The following AKAP10 variants were observed in gnomAD, a reference collection of about 807,000 sequenced individuals.
The protein encoded by AKAP10 is A-kinase anchor protein 10, mitochondrial.
AKAP10 carries 24 observed loss-of-function variants against 80.8 expected under a neutral mutation model. That is an observed-to-expected ratio of 0.30 (90% CI 0.22 to 0.42). The LOEUF is 0.42. AKAP10 is among the 10% of genes least tolerant of loss of function. AKAP10 has a pLI of 1.00. For synonymous variants in AKAP10, 291 were observed against 277.7 expected (o/e 1.05, Z -0.48); for missense variants, 661 against 794.9 (o/e 0.83, Z 2.03).
intron 2 of AKAP10, 91 bp downstream of exon 2, chr17:19,968,323 G>A: frequency 1.0e-6 from 1 of 975,128 alleles, no homozygotes; most frequent in Non-Finnish European, 1.6e-6. Flanking sequence ...AATGATTAAT[G>A]CCAAAAGAGA....
intron 2 of AKAP10, among the ~76,000 whole-genome samples, chr17:19,964,157 C>T (rs1214910765): frequency 2.0e-5 from 3 of 152,112 alleles, no homozygotes; most frequent in Admixed American, 6.6e-5. Context: ...AGCCAGTTTT[C>T]GTGTTCAGAC....
At chr17:19,954,078 A>T (rs1490423782) in intron 4 of AKAP10, among the ~76,000 whole-genome samples, 1 of 152,174 alleles carries the variant, frequency 6.6e-6, no homozygotes, top group African/African-American at 2.4e-5. Context: ...TCACTTCCCA[A>T]TTCAACCAAA....
At chr17:19,938,940 C>G (rs2043023599) in intron 8 of AKAP10, among the ~76,000 whole-genome samples, 1 of 152,090 alleles carries the variant, frequency 6.6e-6, no homozygotes, top group Admixed American at 6.6e-5. Flanking sequence ...CCATGTTGCC[C>G]AGGCTGGTCT....
At chr17:19,937,781 AC>A (rs2043007966) in intron 8 of AKAP10, among the ~76,000 whole-genome samples, 2 of 152,074 alleles carry the variant, frequency 1.3e-5, no homozygotes, top group African/African-American at 2.4e-5. Context: ...TCTGCCACTA[AC>A]TTGTTCTGTG....
intron 4 of AKAP10, among the ~76,000 whole-genome samples, chr17:19,955,394 C>G (rs1425697377): frequency 6.6e-6 from 1 of 151,976 alleles, no homozygotes; most frequent in African/African-American, 2.4e-5. Flanking sequence ...TGTGTTAAAA[C>G]TGATACAAGT....
chr17:19,972,166 C>A (rs1426804294), intron 1 of AKAP10, among the ~76,000 whole-genome samples: 1 of 152,212 alleles, frequency 6.6e-6, no homozygotes, highest in Non-Finnish European at 1.5e-5. Context: ...TCCATGCACT[C>A]ATATAGCCAT....
intron 6 of AKAP10, among the ~76,000 whole-genome samples, chr17:19,941,601 T>A (rs2043051241): frequency 6.6e-6 from 1 of 152,176 alleles, no homozygotes; most frequent in African/African-American, 2.4e-5. Flanking sequence ...TATTTTAACT[T>A]AGGAAATATT....
intron 1 of AKAP10, among the ~76,000 whole-genome samples, chr17:19,970,583 G>C (rs2043482756): frequency 6.6e-6 from 1 of 152,120 alleles, no homozygotes; most frequent in Admixed American, 6.5e-5. Flanking sequence ...AGGACTTTGG[G>C]AGGCCAAGGC....
In AKAP10 at chr17:19,977,489, T is replaced by C. The variant is rs1054052000; in HGVS notation, c.88+103A>G. ...CATCTGCGCCGAGGTCGAGGCTCGC[T>C]GAAGGCCTTGCTGCCGCCTTGGGGA... On this transcript the variant is annotated intron_variant, in intron 1 of 14. Coordinates refer to ENST00000225737, the MANE Select transcript of AKAP10 (RefSeq NM_007202.4). 21 of 918,184 alleles carry C rather than the reference T, an allele frequency of 2.3e-5. No homozygotes were observed. In the African/African-American group the frequency reaches 3.1e-4, roughly 14 times the overall value. The allele number at this position is 918,184 out of a possible 1,614,324, so 56.9% of individuals were successfully genotyped here. A position where few individuals can be genotyped will look rare whatever the true frequency, so the allele number is the denominator to read the frequency against.
At chr17:19,970,360 A>G (rs545666914) in intron 1 of AKAP10, among the ~76,000 whole-genome samples, 145 of 152,324 alleles carry the variant, frequency 9.5e-4, no homozygotes, top group African/African-American at 2.5e-3. Context: ...TTCTCCTACT[A>G]TCAATCAGAT....
At chr17:19,963,935 T>C (rs2043384504) in intron 2 of AKAP10, among the ~76,000 whole-genome samples, 4 of 152,160 alleles carry the variant, frequency 2.6e-5, no homozygotes, top group African/African-American at 9.6e-5. Flanking sequence ...CACTAAAAAT[T>C]CATAAAATAT....
chr17:19,908,397 A>G (rs980925014), intron 14 of AKAP10, among the ~76,000 whole-genome samples: 2 of 152,028 alleles, frequency 1.3e-5, no homozygotes, highest in African/African-American at 4.8e-5. Context: ...AAGTCTCTCT[A>G]CTCTGGCCAG....
intron 14 of AKAP10, among the ~76,000 whole-genome samples, chr17:19,908,344 C>T (rs2042653665): frequency 6.6e-6 from 1 of 152,158 alleles, no homozygotes; most frequent in Admixed American, 6.5e-5. Context: ...AGTAGTAAGG[C>T]ATAACCTCTG....
intron 9 of AKAP10, among the ~76,000 whole-genome samples, chr17:19,932,889 A>T (rs890482680): frequency 2.6e-5 from 4 of 152,132 alleles, no homozygotes; most frequent in Non-Finnish European, 5.9e-5. Context: ...ATGAGTTCTC[A>T]TGTTTATTAT....
chr17:19,947,121 C>T, intron 5 of AKAP10: 2 of 381,190 alleles, frequency 5.2e-6, no homozygotes, highest in Non-Finnish European at 9.7e-6. Context: ...GTGGTCTGTG[C>T]CGGTTAGCGT....
intron 9 of AKAP10, among the ~76,000 whole-genome samples, chr17:19,932,718 A>G (rs1027455789): frequency 6.6e-6 from 1 of 152,070 alleles, no homozygotes; most frequent in Admixed American, 6.6e-5. Context: ...TTTAATATAT[A>G]TGGTCACTTT....
At chr17:19,911,340 C>A (rs2042687445) in intron 12 of AKAP10, among the ~76,000 whole-genome samples, 1 of 152,134 alleles carries the variant, frequency 6.6e-6, no homozygotes, top group South Asian at 2.1e-4. Flanking sequence ...CCAAATTTCA[C>A]CTTAGAATTC....
At position 19,932,632 on chromosome 17, in the gene AKAP10, A is replaced by G. The variant is rs1474706972; in HGVS notation, c.1468-654T>C. On this transcript the variant is annotated intron_variant, in intron 9 of 14. Coordinates refer to ENST00000225737, the MANE Select transcript of AKAP10 (RefSeq NM_007202.4). ...ATGATAAATGTTAAAGTCTTTGTGC[A>G]TATATTGATTTTACTTTCAAACTGA... Among the ~76,000 whole-genome samples, 4 of 152,084 alleles carry G rather than the reference A, an allele frequency of 2.6e-5. 1 individual carries two copies. The South Asian group carries it at 8.3e-4, about 31-fold the overall frequency.
At chr17:19,939,648 A>AT in intron 8 of AKAP10, 65 bp downstream of exon 8, 1 of 1,553,032 alleles carries the variant, frequency 6.4e-7, no homozygotes, top group African/African-American at 1.4e-5. Context: ...ATTCATCTTT[A>AT]TTTCCACAAA....
Sources: allele counts gnomAD v4.1 joint callset (sites outside exome capture counted in the v4.1 genomes callset), GRCh38; gene constraint gnomAD v4.1.1; transcripts MANE v1.5; gene names NCBI Gene and HGNC (gene_info 2026-07-23, HGNC 2026-07-21).